The following PCDH11X variants were observed in gnomAD, a reference collection of about 807,000 sequenced individuals.
The protein encoded by PCDH11X is protocadherin-11 X-linked.
Under a neutral mutation model 53.3 loss-of-function variants are expected in PCDH11X, and 18 were observed. The observed-to-expected ratio is 0.34, with a 90% CI of 0.23 to 0.50. The LOEUF (loss-of-function observed/expected upper bound fraction) is 0.50. Ranked by LOEUF, PCDH11X falls within the 20% of genes least tolerant of loss-of-function variation. PCDH11X has a pLI of 0.98. For missense variants in PCDH11X, 570 were observed against 1,032.4 expected (o/e 0.55, Z 6.14); for synonymous variants, 279 against 393.3 (o/e 0.71, Z 3.44).
At chrX:92,324,135 C>T (rs979358660) in intron 8 of PCDH11X, among the ~76,000 whole-genome samples, 15 of 104,987 alleles carry the variant, frequency 1.4e-4, no homozygotes, top group Non-Finnish European at 1.4e-4. Flanking sequence ...GGAGGCATTA[C>T]AAAAATCCTC....
intron 5 of PCDH11X, among the ~76,000 whole-genome samples, chrX:91,868,109 C>T (rs1336140281): frequency 1.8e-5 from 2 of 111,966 alleles, no homozygotes; most frequent in African/African-American, 6.5e-5. Flanking sequence ...AAATCTACCA[C>T]AAGATTCTGT....
At chrX:92,356,022 A>C (rs931670554) in intron 8 of PCDH11X, among the ~76,000 whole-genome samples, 2 of 111,979 alleles carry the variant, frequency 1.8e-5, no homozygotes, top group Non-Finnish European at 3.8e-5. Flanking sequence ...TATAGAGTGA[A>C]TAGATCACCA....
intron 8 of PCDH11X, among the ~76,000 whole-genome samples, chrX:92,332,255 T>C (rs1289799959): frequency 8.9e-6 from 1 of 112,548 alleles, no homozygotes; most frequent in Non-Finnish European, 1.9e-5. Context: ...TAAATACCTT[T>C]CTAATGACCA....
At chrX:92,419,139 C>A (rs1405187123) in intron 9 of PCDH11X, among the ~76,000 whole-genome samples, 1 of 105,602 alleles carries the variant, frequency 9.5e-6, no homozygotes, top group Admixed American at 1.0e-4. Flanking sequence ...CACTCCATAT[C>A]CGTGTTTATA....
intron 8 of PCDH11X, among the ~76,000 whole-genome samples, chrX:92,358,285 T>A (rs1190938901): frequency 1.0e-5 from 1 of 95,386 alleles, no homozygotes; most frequent in African/African-American, 3.8e-5. Flanking sequence ...CTAGAGACTC[T>A]TATTTTACAC....
At chrX:92,006,940 C>A (rs77051799) in intron 6 of PCDH11X, among the ~76,000 whole-genome samples, 20,232 of 110,693 alleles carry the variant, frequency 0.18, 1,862 homozygotes, top group East Asian at 0.45. Flanking sequence ...TCTTCTCTTA[C>A]ATTCCCCCAA....
chrX:92,206,445 G>C, intron 7 of PCDH11X, among the ~76,000 whole-genome samples: 1 of 111,665 alleles, frequency 9.0e-6, no homozygotes, highest in East Asian at 2.8e-4. Flanking sequence ...TAAATACTTT[G>C]ATAATGCCAC....
chrX:91,959,139 AT>A (rs1460582769), intron 6 of PCDH11X, among the ~76,000 whole-genome samples: 2 of 106,573 alleles, frequency 1.9e-5, no homozygotes, highest in African/African-American at 6.9e-5. Flanking sequence ...TCCAATATTT[AT>A]TTTTGGGGTA....
At chrX:92,467,023 G>A (rs560834511) in intron 9 of PCDH11X, among the ~76,000 whole-genome samples, 3 of 111,183 alleles carry the variant, frequency 2.7e-5, no homozygotes, top group South Asian at 7.5e-4. Flanking sequence ...GTGTGTATGT[G>A]TGTTTGTGTG....
At chrX:91,939,240 C>T (rs1320127099) in intron 6 of PCDH11X, among the ~76,000 whole-genome samples, 2 of 110,766 alleles carry the variant, frequency 1.8e-5, no homozygotes, top group Non-Finnish European at 3.8e-5. Context: ...TTAGAGTAGA[C>T]ATGCAAGAAG....
chrX:92,594,612 A>AT (rs1427127045), intron 10 of PCDH11X, among the ~76,000 whole-genome samples: 2 of 108,835 alleles, frequency 1.8e-5, no homozygotes, highest in African/African-American at 6.7e-5. Flanking sequence ...TTTTATTTTG[A>AT]TTTTTTTCAA....
At chrX:92,608,202 A>ATT (rs34633988) in intron 10 of PCDH11X, among the ~76,000 whole-genome samples, 1 of 82,406 alleles carries the variant, frequency 1.2e-5, no homozygotes, top group Admixed American at 1.3e-4. Context: ...GAAAAAGAGA[A>ATT]TTTTTTTTTT....
chrX:92,262,337 C>T (rs775957695), intron 7 of PCDH11X, among the ~76,000 whole-genome samples: 1 of 111,409 alleles, frequency 9.0e-6, no homozygotes, highest in East Asian at 2.8e-4. Flanking sequence ...AACAGACTTT[C>T]AGGAGCATCA....
chrX:92,512,361 G>A (rs900334921), intron 10 of PCDH11X, among the ~76,000 whole-genome samples: 1 of 111,696 alleles, frequency 9.0e-6, no homozygotes. Context: ...GTAGATTGTA[G>A]CTCACATATT....
chrX:91,825,397 G>A lies in PCDH11X; in HGVS notation c.-44-10064G>A, dbSNP rs1357043037. Among the ~76,000 whole-genome samples, 248 of 111,781 alleles carry A rather than the reference G, an allele frequency of 2.2e-3. 2 individuals are homozygous for A. Among genetic ancestry groups the A allele is most frequent in the Non-Finnish European group, 1.9e-3 (102 of 53,040 alleles). On this transcript the variant is annotated intron_variant, in intron 4 of 10. Coordinates refer to ENST00000682573, the MANE Select transcript of PCDH11X (RefSeq NM_032968.5). ...TCGTGGTGCGCCGTTTTTTAAGCCC[G>A]TCGGAAAAGCACAGTATTCGGGTGG...
chrX:91,981,027 T>C lies in PCDH11X; in HGVS notation c.3033+101754T>C, dbSNP rs941651320. Reference sequence around the variant, plus strand: ...AATATATATATATACACTGAATATATATATATATACACTGAATATATATAT... The same window carrying C: ...AATATATATATATACACTGAATATACATATATATACACTGAATATATATAT... On this transcript the variant is annotated intron_variant, in intron 6 of 10. Coordinates refer to ENST00000682573, the MANE Select transcript of PCDH11X (RefSeq NM_032968.5). Among the ~76,000 whole-genome samples the C allele has an allele frequency of 2.9e-5, 3 of 102,789 alleles. No individual in the cohort carries two copies. In the East Asian group the frequency reaches 8.8e-4, roughly 30 times the overall value. 89.3% of individuals were successfully genotyped at this position (102,789 alleles called of 115,157 possible).
intron 7 of PCDH11X, among the ~76,000 whole-genome samples, chrX:92,240,134 G>A (rs2067238776): frequency 9.0e-6 from 1 of 111,607 alleles, no homozygotes; most frequent in Non-Finnish European, 1.9e-5. Context: ...TGAAATCAAG[G>A]CATTAAGGAG....
intron 8 of PCDH11X, among the ~76,000 whole-genome samples, chrX:92,312,416 C>T (rs1008965249): frequency 7.3e-5 from 8 of 109,457 alleles, no homozygotes; most frequent in African/African-American, 2.7e-4. Flanking sequence ...ATTTCGGTGC[C>T]ACATTCTTTC....
chrX:92,341,966 C>CT (rs754521697), intron 8 of PCDH11X, among the ~76,000 whole-genome samples: 8 of 111,738 alleles, frequency 7.2e-5, no homozygotes, highest in Non-Finnish European at 1.3e-4. Context: ...TCCAGAATCT[C>CT]TAAGGAACTT....
Sources: gnomAD v4.1 joint callset for allele counts (sites outside exome capture counted in the v4.1 genomes callset) on GRCh38, gnomAD v4.1.1 for gene constraint, MANE v1.5 for transcripts, NCBI Gene and HGNC (gene_info 2026-07-23, HGNC 2026-07-21) for gene names.